TNR: variants seen among roughly 807,000 people sequenced by gnomAD.
TNR encodes the protein tenascin R.
In TNR, 45 loss-of-function variants were observed where a neutral mutation model predicts 150.4. That is an observed-to-expected ratio of 0.30 (90% CI 0.24 to 0.38). The LOEUF is 0.38. TNR is among the 10% of genes least tolerant of loss of function. The pLI is 1.00. For synonymous variants in TNR, 687 were observed against 678.4 expected (o/e 1.01, Z -0.20); for missense variants, 1,544 against 1,759.1 (o/e 0.88, Z 2.19).
At chr1:175,426,677 A>G (rs1654981170) in intron 2 of TNR, among the ~76,000 whole-genome samples, 1 of 151,704 alleles carries the variant, frequency 6.6e-6, no homozygotes, top group Non-Finnish European at 1.5e-5. Flanking sequence ...TCTATTGACC[A>G]TAAAGATACA....
intron 1 of TNR, among the ~76,000 whole-genome samples, chr1:175,546,863 G>A (rs1660708531): frequency 6.6e-6 from 1 of 152,174 alleles, no homozygotes; most frequent in Non-Finnish European, 1.5e-5. Context: ...CAAGGGTCAT[G>A]GAGGTGGGCA....
intron 16 of TNR, 75 bp from the exon 17 acceptor site, chr1:175,355,708 T>C: frequency 6.3e-7 from 1 of 1,590,548 alleles, no homozygotes; most frequent in Non-Finnish European, 8.6e-7. Context: ...GGTATGGGTA[T>C]CTGTTGCCCA....
In TNR at chr1:175,354,542, G is replaced by A; in HGVS notation, c.3250-19C>T. On this transcript the variant is annotated intron_variant, in intron 17 of 22. Coordinates refer to ENST00000367674, the MANE Select transcript of TNR (RefSeq NM_003285.3). ...TCAGCTCCTGTATAATGAGCCAAAG[G>A]AAGGGTGGTGGAAGGGAGCAACTGG... The A allele has an allele frequency of 6.2e-7, 1 of 1,613,832 alleles. No homozygotes were observed. The highest frequency in any genetic ancestry group is 1.1e-5 in the South Asian group (1 of 91,022).
At chr1:175,688,239 G>A (rs1666258525) in intron 1 of TNR, among the ~76,000 whole-genome samples, 1 of 152,200 alleles carries the variant, frequency 6.6e-6, no homozygotes, top group Admixed American at 6.5e-5. Context: ...GTCCCACGGG[G>A]GTTGTGGCAG....
Position 175,319,697 on chromosome 1 carries a change from T to A in TNR, c.*3660A>T, listed in dbSNP as rs1297461811. 6.6e-6 allele frequency: 1 copy of A among 152,254 alleles called. No homozygotes were observed. Among genetic ancestry groups the A allele is most frequent in the Non-Finnish European group, 1.5e-5 (1 of 68,040 alleles). The allele number at this position is 152,254 out of a possible 1,614,324, so 9.4% of individuals were successfully genotyped here. On this transcript the variant is annotated 3_prime_UTR_variant, in exon 23 of 23. Transcript: ENST00000367674. ...TTGTTGTTGTTCTTTTACAAATCAA[T>A]CTCCCATACAAATCAGCTGGCCGGT...
chr1:175,324,917 C>A (rs1454891030), intron 21 of TNR, among the ~76,000 whole-genome samples: 1 of 152,208 alleles, frequency 6.6e-6, no homozygotes, highest in African/African-American at 2.4e-5. Context: ...CACCACCATG[C>A]AGCCTCAGCC....
At chr1:175,581,647 T>G (rs1662353657) in intron 1 of TNR, among the ~76,000 whole-genome samples, 2 of 152,240 alleles carry the variant, frequency 1.3e-5, no homozygotes, top group South Asian at 4.1e-4. Context: ...TTCACTACAA[T>G]GAAGCTTTGG....
At chr1:175,668,604 C>T (rs1348208311) in intron 1 of TNR, among the ~76,000 whole-genome samples, 1 of 152,146 alleles carries the variant, frequency 6.6e-6, no homozygotes, top group Non-Finnish European at 1.5e-5. Flanking sequence ...AATACTGACA[C>T]CTGGCATCTC....
Position 175,386,314 on chromosome 1 carries a change from G to A in TNR, c.1508-13C>T, listed in dbSNP as rs752268344. 1.1e-5 allele frequency: 17 copies of A among 1,525,388 alleles called. No individual in the cohort carries two copies. In the African/African-American group the frequency reaches 1.7e-4, roughly 15 times the overall value. The allele number at this position is 1,525,388 out of a possible 1,614,324, so 94.5% of individuals were successfully genotyped here. ...GGGCCGTCAATGACTGAGTGAGAAG[G>A]ATCAAACAGAACAAAAAGTTTGAAT... On this transcript the variant is annotated splice_polypyrimidine_tract_variant and intron_variant, in intron 7 of 22. Coordinates refer to ENST00000367674, the MANE Select transcript of TNR (RefSeq NM_003285.3).
At chr1:175,410,230 G>A (rs894615355) in intron 2 of TNR, among the ~76,000 whole-genome samples, 3 of 152,222 alleles carry the variant, frequency 2.0e-5, no homozygotes, top group African/African-American at 7.2e-5. Context: ...AGCCCTGTGG[G>A]GAGATAAGGT....
rs1218914667 is a variant in TNR, at chr1:175,320,808, CTTCTTTCCTTCT to C, written c.*2537_*2548del. The C allele has an allele frequency of 1.4e-5, 2 of 143,534 alleles. No individual in the cohort carries two copies. Among genetic ancestry groups the C allele is most frequent in the African/African-American group, 5.3e-5 (2 of 37,800 alleles). The allele number at this position is 143,534 out of a possible 1,614,324, so 8.9% of individuals were successfully genotyped here. On this transcript the variant is annotated 3_prime_UTR_variant, in exon 23 of 23. Transcript: ENST00000367674. Reference sequence around the variant, plus strand: ...CCTTCTTTCCTTCCTTCCTTCCTTCCTTCTTTCCTTCTTTCCTCATTAAACAGGGAGTCTAGT... The same window carrying C: ...CCTTCTTTCCTTCCTTCCTTCCTTCCTTCCTCATTAAACAGGGAGTCTAGT...
intron 1 of TNR, among the ~76,000 whole-genome samples, chr1:175,631,391 C>T (rs1334693632): frequency 6.6e-6 from 1 of 152,224 alleles, no homozygotes; most frequent in Non-Finnish European, 1.5e-5. Flanking sequence ...CAAGCTTGTT[C>T]AATCCTTGGC....
intron 14 of TNR, among the ~76,000 whole-genome samples, 162 bp downstream of exon 14, chr1:175,362,501 T>C (rs1651644787): frequency 6.6e-6 from 1 of 152,030 alleles, no homozygotes; most frequent in Non-Finnish European, 1.5e-5. Flanking sequence ...TAGGGAGGAA[T>C]ATTGGGGGAG....
chr1:175,337,427 G>T, intron 19 of TNR, 101 bp downstream of exon 19: 1 of 1,421,798 alleles, frequency 7.0e-7, no homozygotes, highest in South Asian at 1.3e-5. Context: ...GTGATAAAAG[G>T]ATGGCCAGGA....
At chr1:175,404,828 A>G (rs890638566) in intron 3 of TNR, among the ~76,000 whole-genome samples, 2 of 152,132 alleles carry the variant, frequency 1.3e-5, no homozygotes, top group East Asian at 3.9e-4. Flanking sequence ...TGACCTGACC[A>G]TTGTCATTGA....
At chr1:175,683,740 G>C (rs1666108463) in intron 1 of TNR, among the ~76,000 whole-genome samples, 1 of 152,218 alleles carries the variant, frequency 6.6e-6, no homozygotes, top group Non-Finnish European at 1.5e-5. Flanking sequence ...AGCTGTGAGA[G>C]TATGTGAGGG....
At chr1:175,586,292 T>C (rs1662566290) in intron 1 of TNR, among the ~76,000 whole-genome samples, 1 of 152,138 alleles carries the variant, frequency 6.6e-6, no homozygotes, top group Non-Finnish European at 1.5e-5. Flanking sequence ...TAGTTGTCTT[T>C]TTATTTCTCT....
At chr1:175,575,741 C>T (rs1176492318) in intron 1 of TNR, among the ~76,000 whole-genome samples, 1 of 152,100 alleles carries the variant, frequency 6.6e-6, no homozygotes, top group African/African-American at 2.4e-5. Context: ...GGGAGAGAGC[C>T]CGCACCACAG....
chr1:175,329,666 C>T (rs1001553302), intron 21 of TNR, among the ~76,000 whole-genome samples: 13 of 152,072 alleles, frequency 8.5e-5, no homozygotes, highest in African/African-American at 3.1e-4. Context: ...AGATTTCTAC[C>T]CAGACAGTAG....
Sources: allele counts gnomAD v4.1 joint callset (sites outside exome capture counted in the v4.1 genomes callset), GRCh38; gene constraint gnomAD v4.1.1; transcripts MANE v1.5; gene names NCBI Gene and HGNC (gene_info 2026-07-23, HGNC 2026-07-21).